Variants in TENM1 observed in about 807,000 individuals in gnomAD.
TENM1 encodes the protein teneurin transmembrane protein 1.
Under a neutral mutation model 174.8 loss-of-function variants are expected in TENM1, and 35 were observed. The observed-to-expected ratio is 0.20, with a 90% confidence interval of 0.15 to 0.27. The LOEUF is 0.27. TENM1 is among the 10% of genes least tolerant of loss of function. The pLI is 1.00. For synonymous variants in TENM1, 781 were observed against 798.7 expected (o/e 0.98, Z 0.37); for missense variants, 1,633 against 2,130.1 (o/e 0.77, Z 4.59).
intron 5 of TENM1, among the ~76,000 whole-genome samples, chrX:124,684,250 C>T (rs1025426980): frequency 8.9e-6 from 1 of 112,018 alleles, no homozygotes; most frequent in African/African-American, 3.2e-5. Context: ...AACAATCATT[C>T]AGGCTAAAAA....
At chrX:124,792,886 G>T (rs2067266932) in intron 3 of TENM1, among the ~76,000 whole-genome samples, 1 of 111,812 alleles carries the variant, frequency 8.9e-6, no homozygotes, top group South Asian at 3.6e-4. Context: ...GTATACTTGG[G>T]CAGTTCTTGA....
At chrX:125,075,162 C>A in the TENM1 span, among the ~76,000 whole-genome samples, 2 of 111,483 alleles carry the variant, frequency 1.8e-5, no homozygotes, top group African/African-American at 6.5e-5. Flanking sequence ...CCCTTGGCAA[C>A]CACTAATCTA....
At chrX:124,380,605 C>G in exon 32 of TENM1, 1 of 1,211,142 alleles carries the variant, frequency 8.3e-7, no homozygotes, top group Non-Finnish European at 1.1e-6. Flanking sequence ...GTTCTAAATA[C>G]TGCTCAACAG....
At chrX:124,802,987 T>G (rs1472722845) in intron 3 of TENM1, among the ~76,000 whole-genome samples, 1 of 112,079 alleles carries the variant, frequency 8.9e-6, no homozygotes, top group East Asian at 2.8e-4. Flanking sequence ...AAAGAAATAT[T>G]TTTAAAGAGG....
intron 20 of TENM1, among the ~76,000 whole-genome samples, chrX:124,489,862 G>C (rs2047028397): frequency 9.0e-6 from 1 of 111,041 alleles, no homozygotes; most frequent in Non-Finnish European, 1.9e-5. Flanking sequence ...TGCCCTTCCT[G>C]CTCCTCTTTC....
rs374744887 is a variant in TENM1, at chrX:124,799,192, T to A, written c.536-61995A>T. ...ATATGGGCTCTTTTTTTGTTCCATA[T>A]GAAATTTAAAGTAGTTTTTTTTTCT... On this transcript the variant is annotated intron_variant, in intron 3 of 31. Coordinates refer to ENST00000422452, the Ensembl canonical transcript of TENM1. 5.7e-4 allele frequency among the ~76,000 whole-genome samples: 64 copies of A among 111,729 alleles called. 1 individual carries two copies. The South Asian group carries it at 0.024, about 41-fold the overall frequency.
At chrX:124,588,739 A>G (rs752028514) in intron 11 of TENM1, among the ~76,000 whole-genome samples, 2 of 112,048 alleles carry the variant, frequency 1.8e-5, no homozygotes, top group South Asian at 7.6e-4. Flanking sequence ...ATTTTTGTAC[A>G]TTGATCTGTG....
the TENM1 span, among the ~76,000 whole-genome samples, chrX:125,149,697 T>C: frequency 8.9e-5 from 10 of 111,884 alleles, no homozygotes; most frequent in East Asian, 2.8e-3. Context: ...TGGGAAGAGA[T>C]GGATATTGCG....
At chrX:124,539,681 T>C (rs1378331336) in intron 15 of TENM1, among the ~76,000 whole-genome samples, 1 of 111,815 alleles carries the variant, frequency 8.9e-6, no homozygotes, top group African/African-American at 3.2e-5. Flanking sequence ...TGATTGTTTT[T>C]TTTTTCCTGG....
intron 3 of TENM1, among the ~76,000 whole-genome samples, chrX:124,759,811 A>T (rs1348412630): frequency 8.9e-6 from 1 of 112,141 alleles, no homozygotes; most frequent in East Asian, 2.8e-4. Context: ...ATAGCCGATT[A>T]TCTTGGTTTA....
At chrX:125,183,462 C>T in the TENM1 span, among the ~76,000 whole-genome samples, 1 of 111,846 alleles carries the variant, frequency 8.9e-6, no homozygotes, top group East Asian at 2.8e-4. Flanking sequence ...ACTCAATGCT[C>T]ATGAAAGGTG....
chrX:124,924,712 G>A (rs1305668795), intron 1 of TENM1, among the ~76,000 whole-genome samples: 1 of 111,441 alleles, frequency 9.0e-6, no homozygotes, highest in African/African-American at 3.3e-5. Flanking sequence ...TTTGTTTTCC[G>A]GACAGGGATG....
chrX:125,183,992 C>T, the TENM1 span, among the ~76,000 whole-genome samples: 47 of 111,563 alleles, frequency 4.2e-4, no homozygotes, highest in African/African-American at 1.5e-3. Flanking sequence ...AACCAATGCT[C>T]AGAGTGAAGA....
intron 3 of TENM1, among the ~76,000 whole-genome samples, chrX:124,750,054 C>T (rs766066719): frequency 3.6e-4 from 40 of 111,897 alleles, no homozygotes; most frequent in African/African-American, 1.2e-3. Context: ...TCAGTGATGA[C>T]TTACATATAT....
intron 8 of TENM1, among the ~76,000 whole-genome samples, chrX:124,647,550 T>C: frequency 9.0e-6 from 1 of 111,646 alleles, no homozygotes; most frequent in East Asian, 2.8e-4. Context: ...AACAGAACTT[T>C]TATAAGACTT....
chrX:125,028,702 A>G, the TENM1 span, among the ~76,000 whole-genome samples: 2 of 112,189 alleles, frequency 1.8e-5, no homozygotes, highest in African/African-American at 3.2e-5. Context: ...AAATATTCAT[A>G]TATCAGAAAT....
At chrX:124,848,368 A>G (rs1432085599) in intron 3 of TENM1, among the ~76,000 whole-genome samples, 1 of 110,966 alleles carries the variant, frequency 9.0e-6, no homozygotes, top group Non-Finnish European at 1.9e-5. Flanking sequence ...ACTCATCCCC[A>G]TCTGCAACGA....
At chrX:125,075,753 T>C in the TENM1 span, among the ~76,000 whole-genome samples, 2 of 111,322 alleles carry the variant, frequency 1.8e-5, no homozygotes, top group East Asian at 5.7e-4. Flanking sequence ...CTAGTAAGTA[T>C]CAGAGCCTGC....
At chrX:124,926,721 A>T (rs1005338530) in intron 1 of TENM1, among the ~76,000 whole-genome samples, 1 of 112,038 alleles carries the variant, frequency 8.9e-6, no homozygotes, top group Non-Finnish European at 1.9e-5. Flanking sequence ...ACATATACAT[A>T]TATGTTATCC....
Sources: allele counts gnomAD v4.1 joint callset (sites outside exome capture counted in the v4.1 genomes callset), GRCh38; gene constraint gnomAD v4.1.1; transcripts MANE v1.5; gene names NCBI Gene and HGNC (gene_info 2026-07-23, HGNC 2026-07-21).